Variants in TGFBRAP1 observed in about 807,000 individuals in gnomAD.
TGFBRAP1 encodes transforming growth factor-beta receptor-associated protein 1.
Under a neutral mutation model 83.2 loss-of-function variants are expected in TGFBRAP1, and 20 were observed. That is an observed-to-expected ratio of 0.24 (90% CI 0.17 to 0.35). The LOEUF (loss-of-function observed/expected upper bound fraction) is 0.35. Among genes scored for constraint, TGFBRAP1 ranks in the 10% least tolerant of loss-of-function variants. The pLI, the probability that TGFBRAP1 is intolerant of heterozygous loss-of-function variation, is 1.00. For synonymous variants in TGFBRAP1, 415 were observed against 459.8 expected, an observed-to-expected ratio of 0.90 and a Z score of 1.25; for missense variants, 950 against 1,099.4, an observed-to-expected ratio of 0.86 and a Z score of 1.92.
At chr2:105,261,452 A>G (rs1351168488), downstream of TGFBRAP1, among the ~76,000 whole-genome samples, 3 of 152,164 alleles carry the variant, frequency 2.0e-5, no homozygotes, top group East Asian at 1.9e-4. Flanking sequence ...CCTAGAGCAC[A>G]TGAGAAAAGG....
rs1224823290 is a variant in TGFBRAP1, at chr2:105,271,564, G to A, written c.1972+1291C>T. The stretch of plus-strand genomic sequence containing the variant: ...CACCTGTGTTCTGGCTCTACTGCTC[G>A]TGGGCTGTGTGACCTGTGGCAAGCG... On this transcript the variant is annotated intron_variant, in intron 10 of 11. Transcript: ENST00000393359. Among the ~76,000 whole-genome samples the A allele has an allele frequency of 3.9e-5, 6 of 152,144 alleles. No homozygotes were observed. The East Asian group carries it at 5.8e-4, about 15-fold the overall frequency.
At chr2:105,252,470 C>G in the TGFBRAP1 span, among the ~76,000 whole-genome samples, 2 of 152,138 alleles carry the variant, frequency 1.3e-5, no homozygotes, top group Non-Finnish European at 2.9e-5. Context: ...TGGGGAGTGC[C>G]GGAATGCATT....
At chr2:105,273,490 T>G in intron 9 of TGFBRAP1, 54 bp downstream of exon 9, 1 of 1,600,202 alleles carries the variant, frequency 6.2e-7, no homozygotes, top group Admixed American at 1.7e-5. Context: ...AGTGTTCTAG[T>G]TCAATTCCGT....
intron 4 of TGFBRAP1, among the ~76,000 whole-genome samples, chr2:105,294,216 T>C (rs1339625129): frequency 6.6e-6 from 1 of 152,134 alleles, no homozygotes; most frequent in East Asian, 1.9e-4. Flanking sequence ...GTTCCTGACA[T>C]ACTATCCGGC....
At position 105,325,897 on chromosome 2, in the gene TGFBRAP1, TC is replaced by T. The variant is rs1247746027; in HGVS notation, c.-18+3727del. Among the ~76,000 whole-genome samples, 4 of 152,138 alleles carry T rather than the reference TC, an allele frequency of 2.6e-5. No homozygotes were observed. The East Asian group carries it at 7.7e-4, about 29-fold the overall frequency. On this transcript the variant is annotated intron_variant, in intron 1 of 11. Coordinates refer to ENST00000393359, the MANE Select transcript of TGFBRAP1 (RefSeq NM_004257.6). ...ACTGGCTTGTACAAAAGTCAACTTT[TC>T]CCCCCTTTGAAAATGAAGATACTGC...
chr2:105,294,053 C>T (rs181148486), intron 4 of TGFBRAP1, among the ~76,000 whole-genome samples: 1 of 152,138 alleles, frequency 6.6e-6, no homozygotes, highest in Admixed American at 6.5e-5. Flanking sequence ...GGTAAAGGGC[C>T]CTGTGGGAAG....
At chr2:105,315,190 T>C (rs1404553212) in intron 1 of TGFBRAP1, among the ~76,000 whole-genome samples, 1 of 152,124 alleles carries the variant, frequency 6.6e-6, no homozygotes, top group Admixed American at 6.5e-5. Flanking sequence ...ATATTTAAGA[T>C]CCTTATGGAT....
At chr2:105,273,515 C>A in intron 9 of TGFBRAP1, 29 bp downstream of exon 9, 2 of 1,612,182 alleles carry the variant, frequency 1.2e-6, no homozygotes, top group Non-Finnish European at 1.7e-6. Context: ...CCAGCCCACA[C>A]TCTTTAGTCT....
At chr2:105,259,818 C>T (rs776477568), downstream of TGFBRAP1, among the ~76,000 whole-genome samples, 1 of 152,030 alleles carries the variant, frequency 6.6e-6, no homozygotes, top group Admixed American at 6.5e-5. Context: ...GATGGGGAAA[C>T]CTTTGTGCCT....
rs41280607 is a variant in TGFBRAP1, at chr2:105,273,745, A to C, written c.1666-55T>G. The C allele has an allele frequency of 1.4e-3, 2,172 of 1,583,816 alleles. 5 individuals are homozygous for C. Among genetic ancestry groups the C allele is most frequent in the Non-Finnish European group, 1.7e-3 (1,973 of 1,167,138 alleles). ...TGCTTCCCAAACCCACCTTTCCTTT[A>C]ACTTTATTTTGGTCATTGCACATTC... On this transcript the variant is annotated intron_variant, in intron 8 of 11. Transcript: ENST00000393359.
In TGFBRAP1 at chr2:105,329,612, C is replaced by T. The variant is rs2104431665; in HGVS notation, c.-18+13G>A. ...AGCCCCGCACCCCGCGCCCCGCCGC[C>T]CTCCTCACTCACCGGCGCCGGCGCC... On this transcript the variant is annotated intron_variant, in intron 1 of 11. Transcript: ENST00000393359. The T allele has an allele frequency of 6.8e-6, 1 of 148,090 alleles. No individual in the cohort carries two copies. Among genetic ancestry groups the T allele is most frequent in the Non-Finnish European group, 1.5e-5 (1 of 66,014 alleles). 9.2% of individuals were successfully genotyped at this position (148,090 alleles called of 1,614,324 possible). A position where few individuals can be genotyped will look rare whatever the true frequency, so the allele number is the denominator to read the frequency against.
intron 2 of TGFBRAP1, among the ~76,000 whole-genome samples, chr2:105,303,841 A>T (rs1270005715): frequency 6.6e-6 from 1 of 152,244 alleles, no homozygotes; most frequent in Non-Finnish European, 1.5e-5. Context: ...GTTAAACAAT[A>T]CTATGGGAAT....
intron 10 of TGFBRAP1, among the ~76,000 whole-genome samples, chr2:105,270,315 T>A (rs916245893): frequency 1.3e-5 from 2 of 152,192 alleles, no homozygotes; most frequent in Admixed American, 6.5e-5. Flanking sequence ...GAAAATGACA[T>A]AACCCAAAGC....
At chr2:105,280,809 G>A (rs1335429417) in intron 5 of TGFBRAP1, 86 bp from the exon 6 acceptor site, 30 of 1,378,046 alleles carry the variant, frequency 2.2e-5, no homozygotes, top group South Asian at 1.0e-4. Flanking sequence ...GGGAGCGCAC[G>A]GTGGCACACG....
At chr2:105,270,890 C>A (rs1003245122) in intron 10 of TGFBRAP1, among the ~76,000 whole-genome samples, 1 of 152,240 alleles carries the variant, frequency 6.6e-6, no homozygotes, top group East Asian at 1.9e-4. Flanking sequence ...CCCACAGCCA[C>A]CCCGAGTGGA....
At chr2:105,296,160 G>A (rs1197239355) in intron 4 of TGFBRAP1, among the ~76,000 whole-genome samples, 196 bp downstream of exon 4, 1 of 152,156 alleles carries the variant, frequency 6.6e-6, no homozygotes, top group Non-Finnish European at 1.5e-5. Context: ...TGCCTTCTCA[G>A]TCACAAGCTG....
chr2:105,272,817 T>C (rs375597084), intron 10 of TGFBRAP1, 38 bp downstream of exon 10: 13 of 1,602,256 alleles, frequency 8.1e-6, no homozygotes, highest in Non-Finnish European at 1.1e-5. Flanking sequence ...TTGATATGAG[T>C]TTTTTCCAAA....
intron 11 of TGFBRAP1, among the ~76,000 whole-genome samples, chr2:105,268,774 T>C (rs1677036319): frequency 1.3e-5 from 2 of 152,134 alleles, no homozygotes; most frequent in African/African-American, 2.4e-5. Context: ...CGAAGGTGAG[T>C]ACAGTGTGGG....
rs557047832 is a variant in TGFBRAP1 at position 105,270,000 on chromosome 2, A to G, written c.1973-295T>C. Among the ~76,000 whole-genome samples, 2 of 152,326 alleles carry G rather than the reference A, an allele frequency of 1.3e-5. No homozygotes were observed. Among genetic ancestry groups the G allele is most frequent in the East Asian group, 3.9e-4 (2 of 5,174 alleles). ...AGAACAAATGAACCACAACTACAGA[A>G]AGGCCCAGTGGCTCAGTGAGTATCA... On this transcript the variant is annotated intron_variant, in intron 10 of 11. Coordinates refer to ENST00000393359, the MANE Select transcript of TGFBRAP1 (RefSeq NM_004257.6). This position sits in a 1 kb window ranked among gnomAD's most constrained non-coding sequence, Gnocchi z 4.1.
Sources: gnomAD v4.1 joint callset for allele counts (sites outside exome capture counted in the v4.1 genomes callset) on GRCh38, gnomAD v4.1.1 for gene constraint, Gnocchi (gnomAD v3.1) non-coding constraint, MANE v1.5 for transcripts, NCBI Gene and HGNC (gene_info 2026-07-23, HGNC 2026-07-21) for gene names.